The following WNT9A variants were observed in gnomAD, a reference collection of about 807,000 sequenced individuals.
The protein encoded by WNT9A is protein Wnt-9a.
In WNT9A, 8 loss-of-function variants were observed where a neutral mutation model predicts 31.4. The ratio of observed to expected loss-of-function variants is 0.26; its 90% CI spans 0.15 to 0.46. The LOEUF is 0.46. WNT9A is among the 20% of genes least tolerant of loss of function. WNT9A has a pLI of 0.99. For synonymous variants in WNT9A, 236 were observed against 220.1 expected (o/e 1.07, Z -0.64); for missense variants, 457 against 522.9 (o/e 0.87, Z 1.23).
Position 227,926,026 on chromosome 1 carries a change from GC to G in WNT9A, c.96-508del, listed in dbSNP as rs1213228620. On this transcript the variant is annotated intron_variant, in intron 1 of 3. Transcript: ENST00000272164. This position sits in a 1 kb window ranked among gnomAD's most constrained non-coding sequence, Gnocchi z 5.0. Reference sequence around the variant, plus strand: ...CTGCTGGGATGTCTACAGTCCTGTGGCCCCCTGCAGCTTCCCAGCACTCCTG... The same window carrying G: ...CTGCTGGGATGTCTACAGTCCTGTGGCCCCTGCAGCTTCCCAGCACTCCTG... Among the ~76,000 whole-genome samples the G allele has an allele frequency of 2.0e-5, 3 of 152,034 alleles. No homozygotes were observed. The highest frequency in any genetic ancestry group is 4.4e-5 in the Non-Finnish European group (3 of 67,988).
Position 227,943,895 on chromosome 1 carries a change from C to T in WNT9A, c.95+3898G>A, listed in dbSNP as rs1036619553. On this transcript the variant is annotated intron_variant, in intron 1 of 3. Coordinates refer to ENST00000272164, the MANE Select transcript of WNT9A (RefSeq NM_003395.4). ...TACTTGGGATGCTGAGGTGGGAGGA[C>T]GGTTGAGCCTCTGAGGTGGAGGCAG... is the stretch of plus-strand genomic sequence containing the variant. Among the ~76,000 whole-genome samples, 6 of 152,070 alleles carry T rather than the reference C, an allele frequency of 3.9e-5. 1 individual carries two copies. The highest frequency in any genetic ancestry group is 3.9e-4 in the East Asian group (2 of 5,180).
At chr1:227,933,450 A>G (rs1666543305) in intron 1 of WNT9A, among the ~76,000 whole-genome samples, 1 of 152,136 alleles carries the variant, frequency 6.6e-6, no homozygotes. Flanking sequence ...GTTTCACTTT[A>G]TCATTTGTAT....
rs892684052 is a variant in WNT9A, at chr1:227,926,007, G to A, written c.96-488C>T. Among the ~76,000 whole-genome samples, 6 of 152,032 alleles carry A rather than the reference G, an allele frequency of 3.9e-5. No homozygotes were observed. The highest frequency in any genetic ancestry group is 7.4e-5 in the Non-Finnish European group (5 of 67,966). On this transcript the variant is annotated intron_variant, in intron 1 of 3. Transcript: ENST00000272164. The surrounding 1 kb of genome is among the most constrained non-coding windows in gnomAD (Gnocchi z 5.0). ...CCCTACCCTCTGCCATGACCTGCTG[G>A]GATGTCTACAGTCCTGTGGCCCCCT...
chr1:227,927,404 T>G (rs1666436946), intron 1 of WNT9A, among the ~76,000 whole-genome samples: 1 of 152,092 alleles, frequency 6.6e-6, no homozygotes, highest in Admixed American at 6.5e-5. Flanking sequence ...CCTCTGAGCC[T>G]GGACACTGCC....
chr1:227,936,558 C>T (rs1292723641), intron 1 of WNT9A, among the ~76,000 whole-genome samples: 1 of 151,576 alleles, frequency 6.6e-6, no homozygotes, highest in Non-Finnish European at 1.5e-5. Context: ...TGGTCTCAAA[C>T]TCCTGACCTC....
At chr1:227,938,687 A>C (rs1235632647) in intron 1 of WNT9A, among the ~76,000 whole-genome samples, 6 of 152,180 alleles carry the variant, frequency 3.9e-5, no homozygotes, top group Non-Finnish European at 7.4e-5. Context: ...ATGCATGTAC[A>C]CACATAAGAT....
At position 227,926,024 on chromosome 1, in the gene WNT9A, T is replaced by C. The variant is rs1666416184; in HGVS notation, c.96-505A>G. Among the ~76,000 whole-genome samples the C allele has an allele frequency of 6.6e-6, 1 of 152,096 alleles. No individual in the cohort carries two copies. The highest frequency in any genetic ancestry group is 2.1e-4 in the South Asian group (1 of 4,822). ...ACCTGCTGGGATGTCTACAGTCCTG[T>C]GGCCCCCTGCAGCTTCCCAGCACTC... On this transcript the variant is annotated intron_variant, in intron 1 of 3. Coordinates refer to ENST00000272164, the MANE Select transcript of WNT9A (RefSeq NM_003395.4). The surrounding 1 kb of genome is among the most constrained non-coding windows in gnomAD (Gnocchi z 5.0).
chr1:227,925,745 G>A lies in WNT9A; in HGVS notation c.96-226C>T, dbSNP rs1318689138. Among the ~76,000 whole-genome samples, 1 of 151,998 alleles carries A rather than the reference G, an allele frequency of 6.6e-6. No homozygotes were observed. The highest frequency in any genetic ancestry group is 1.5e-5 in the Non-Finnish European group (1 of 67,962). On this transcript the variant is annotated intron_variant, in intron 1 of 3. Transcript: ENST00000272164. The surrounding 1 kb of genome is among the most constrained non-coding windows in gnomAD (Gnocchi z 6.0). The stretch of plus-strand genomic sequence containing the variant: ...CGAGCATGGTCTCAGTGACCACAGG[G>A]CTGTCTCTGCTGCCGACTCGACCCC...
Position 227,924,260 on chromosome 1 carries a change from A to G in WNT9A, c.493T>C (p.Trp165Arg). 6.2e-7 allele frequency: 1 copy of G among 1,613,536 alleles called. No homozygotes were observed. The highest frequency in any genetic ancestry group is 2.2e-5 in the East Asian group (1 of 44,854). ...TTAAGGTTGTCTCCGCAGCCCCCCC[A>G]CTGCCAGGCCTCACGGTTCTCCAGG... is the stretch of plus-strand genomic sequence containing the variant. ...PDLENREAWQWGGCGDNLKYS... is the reference protein window; with the variant it reads ...PDLENREAWQRGGCGDNLKYS... Residue 165 changes from tryptophan (W) to arginine (R), a missense_variant, in exon 3 of 4, where the codon TGG (tryptophan) becomes CGG (arginine). Trp to Arg is a moderately radical substitution (Grantham distance 101). Coordinates refer to ENST00000272164, the MANE Select transcript of WNT9A (RefSeq NM_003395.4).
At chr1:227,933,616 TC>T (rs1666545405) in intron 1 of WNT9A, among the ~76,000 whole-genome samples, 1 of 152,188 alleles carries the variant, frequency 6.6e-6, no homozygotes, top group South Asian at 2.1e-4. Flanking sequence ...CGTGCGACTC[TC>T]CCTTTCACTT....
Position 227,921,576 on chromosome 1 carries a change from C to A in WNT9A, c.1040G>T (p.Cys347Phe). 1 of 1,613,524 alleles carries A rather than the reference C, an allele frequency of 6.2e-7. No homozygotes were observed. The change falls in exon 4 of 4, where the codon TGC becomes TTC. Residue 347 changes from cysteine to phenylalanine, a missense_variant. Physicochemically the swap from Cys to Phe is radical, Grantham distance 205. Transcript: ENST00000272164. The part of the protein sequence containing the change: ...RPCQCQVRWC[C>F]YVECRQCTQR... ...CGTGCACTGCCTGCACTCCACATAG[C>A]AGCACCAACGCACCTGGCACTGGCA...
intron 1 of WNT9A, among the ~76,000 whole-genome samples, chr1:227,933,536 T>G (rs1181012128): frequency 1.3e-5 from 2 of 152,242 alleles, no homozygotes; most frequent in Non-Finnish European, 2.9e-5. Flanking sequence ...AGGCCCAGCT[T>G]CCAGCCTGTC....
At chr1:227,947,695 G>T (rs1366643090) in intron 1 of WNT9A, 98 bp downstream of exon 1, 2 of 705,432 alleles carry the variant, frequency 2.8e-6, no homozygotes, top group Non-Finnish European at 1.8e-6. Flanking sequence ...CCGCGCCCCG[G>T]CCCCAGCCAC....
At position 227,928,869 on chromosome 1, in the gene WNT9A, A is replaced by C. The variant is rs1452465014; in HGVS notation, c.96-3350T>G. On this transcript the variant is annotated intron_variant, in intron 1 of 3. Coordinates refer to ENST00000272164, the MANE Select transcript of WNT9A (RefSeq NM_003395.4). This position sits in a 1 kb window ranked among gnomAD's most constrained non-coding sequence, Gnocchi z 4.5. ...AGTCACTGAAAAGTGAATATATTTG[A>C]CTACTTAAAAGTATAAAAATCTCTG... Among the ~76,000 whole-genome samples the C allele has an allele frequency of 1.3e-5, 2 of 152,198 alleles. No individual in the cohort carries two copies. Among genetic ancestry groups the C allele is most frequent in the Non-Finnish European group, 2.9e-5 (2 of 68,030 alleles).
At chr1:227,930,706 A>G (rs1291989962) in intron 1 of WNT9A, among the ~76,000 whole-genome samples, 1 of 152,142 alleles carries the variant, frequency 6.6e-6, no homozygotes, top group East Asian at 1.9e-4. Context: ...TTTGGTTCTT[A>G]GTTTGCTAAG....
Position 227,947,843 on chromosome 1 carries a change from G to A in WNT9A, c.45C>T (p.Phe15=), listed in dbSNP as rs1266580050. 1 of 1,086,006 alleles carries A rather than the reference G, an allele frequency of 9.2e-7. No individual in the cohort carries two copies. The highest frequency in any genetic ancestry group is 5.7e-5 in the East Asian group (1 of 17,468). 67.3% of individuals were successfully genotyped at this position (1,086,006 alleles called of 1,614,324 possible). A position where few individuals can be genotyped will look rare whatever the true frequency, so the allele number is the denominator to read the frequency against. ...SPLARWLAAA[F]GLTLLLAALR... is the part of the protein sequence containing the mutation. ...GCGCGGCGAGCAGCAGCGTCAGCCC[G>A]AAGGCCGCGGCCAGCCAGCGCGCCA... The change falls in exon 1 of 4, where the codon TTC becomes TTT. Residue 15 remains phenylalanine (F), a synonymous_variant. Transcript: ENST00000272164.
At position 227,922,018 on chromosome 1, in the gene WNT9A, G is replaced by T; in HGVS notation, c.616-18C>A. ...TTGATCACCTGGCAGAAGGGTGCGG[G>T]AGGGAGGGCAGTGTGAGGGCTGTGC... On this transcript the variant is annotated intron_variant, in intron 3 of 3. Transcript: ENST00000272164. 1 of 1,587,710 alleles carries T rather than the reference G, an allele frequency of 6.3e-7. No homozygotes were observed.
chr1:227,937,647 C>T (rs940808940), intron 1 of WNT9A, among the ~76,000 whole-genome samples: 6 of 152,228 alleles, frequency 3.9e-5, no homozygotes, highest in Non-Finnish European at 7.3e-5. Context: ...GTCAACCAGC[C>T]AAGGAGCCCC....
At position 227,918,937 on chromosome 1, in the gene WNT9A, C is replaced by T. The variant is rs1189641372; in HGVS notation, c.*2581G>A. On this transcript the variant is annotated 3_prime_UTR_variant, in exon 4 of 4. Coordinates refer to ENST00000272164, the MANE Select transcript of WNT9A (RefSeq NM_003395.4). ...AAGGAGCGGGCTGAACCCCTCCCAA[C>T]AGCCCTTTCTCCTCTACTGCCCCTC... 2 of 152,024 alleles carry T rather than the reference C, an allele frequency of 1.3e-5. No individual in the cohort carries two copies. The highest frequency in any genetic ancestry group is 2.9e-5 in the Non-Finnish European group (2 of 68,018). 9.4% of individuals were successfully genotyped at this position (152,024 alleles called of 1,614,324 possible).
Sources: gnomAD v4.1 joint callset for allele counts (sites outside exome capture counted in the v4.1 genomes callset) on GRCh38, gnomAD v4.1.1 for gene constraint, Gnocchi (gnomAD v3.1) non-coding constraint, MANE v1.5 for transcripts, NCBI Gene and HGNC (gene_info 2026-07-23, HGNC 2026-07-21) for gene names.